Variants in ADARB1 observed in about 807,000 individuals in gnomAD.
The protein encoded by ADARB1 is adenosine deaminase RNA specific B1.
Under a neutral mutation model 52.4 loss-of-function variants are expected in ADARB1, and 10 were observed. The observed-to-expected ratio is 0.19, with a 90% CI of 0.12 to 0.32. The LOEUF (loss-of-function observed/expected upper bound fraction) is 0.32, where lower values mean the gene tolerates loss of function less well. Among genes scored for constraint, ADARB1 ranks in the 10% least tolerant of loss-of-function variants. ADARB1 has a pLI of 1.00. For synonymous variants in ADARB1, 349 were observed against 371.1 expected, an observed-to-expected ratio of 0.94 and a Z score of 0.68; for missense variants, 643 against 922.3, an observed-to-expected ratio of 0.70 and a Z score of 3.92.
chr21:45,159,616 A>G (rs1461299542), intron 2 of ADARB1, among the ~76,000 whole-genome samples: 2 of 152,200 alleles, frequency 1.3e-5, no homozygotes, highest in Middle Eastern at 3.2e-3. Flanking sequence ...TGAGCATACA[A>G]GAGGGGTGGC....
chr21:45,196,165 T>G (rs1392758135), intron 8 of ADARB1, among the ~76,000 whole-genome samples: 1 of 152,238 alleles, frequency 6.6e-6, no homozygotes, highest in Non-Finnish European at 1.5e-5. Context: ...AATGATGTTG[T>G]GTTTTTAATT....
In ADARB1 at chr21:45,224,410, C is replaced by T; in HGVS notation, c.*2213C>T. The T allele has an allele frequency of 2.1e-6, 2 of 931,934 alleles. No homozygotes were observed. The highest frequency in any genetic ancestry group is 2.5e-6 in the Non-Finnish European group (2 of 811,584). 57.7% of individuals were successfully genotyped at this position (931,934 alleles called of 1,614,324 possible). A position where few individuals can be genotyped will look rare whatever the true frequency, so the allele number is the denominator to read the frequency against. On this transcript the variant is annotated 3_prime_UTR_variant, in exon 11 of 11. Coordinates refer to ENST00000348831, the MANE Select transcript of ADARB1 (RefSeq NM_001112.4). ...CCTTTCCGGGGTGGACTCGTGCGGC[C>T]TTGAGGACAGGCACAGGGCACCCTA...
At chr21:45,139,344 A>G (rs993833345) in intron 2 of ADARB1, among the ~76,000 whole-genome samples, 8 of 152,166 alleles carry the variant, frequency 5.3e-5, no homozygotes, top group African/African-American at 1.2e-4. Flanking sequence ...GTCATGCCAC[A>G]GTTTAATTTG....
intron 2 of ADARB1, among the ~76,000 whole-genome samples, chr21:45,143,890 T>C (rs2089871572): frequency 6.6e-6 from 1 of 152,206 alleles, no homozygotes; most frequent in Non-Finnish European, 1.5e-5. Context: ...GCCACTGTTG[T>C]CCCCTGACAC....
At chr21:45,089,031 T>C (rs1259621912) in intron 1 of ADARB1, among the ~76,000 whole-genome samples, 3 of 152,194 alleles carry the variant, frequency 2.0e-5, no homozygotes, top group Non-Finnish European at 4.4e-5. Flanking sequence ...GATGACTAAC[T>C]GTGGCCTGTG....
chr21:45,087,255 C>T (rs916403579), intron 1 of ADARB1, among the ~76,000 whole-genome samples: 2 of 152,204 alleles, frequency 1.3e-5, no homozygotes, highest in African/African-American at 2.4e-5. Context: ...AAAATACATT[C>T]GGAATAACCT....
intron 2 of ADARB1, among the ~76,000 whole-genome samples, chr21:45,153,402 G>T (rs1246361448): frequency 6.6e-6 from 1 of 151,618 alleles, no homozygotes; most frequent in Non-Finnish European, 1.5e-5. Context: ...GTGAAAAGAT[G>T]TGTCTAGCCC....
intron 9 of ADARB1, among the ~76,000 whole-genome samples, chr21:45,205,058 A>G: frequency 6.6e-6 from 1 of 152,186 alleles, no homozygotes; most frequent in East Asian, 1.9e-4. Flanking sequence ...CAGAAGTTCA[A>G]GACCAGCCTG....
At chr21:45,156,902 A>G (rs750998093) in intron 2 of ADARB1, among the ~76,000 whole-genome samples, 1 of 152,182 alleles carries the variant, frequency 6.6e-6, no homozygotes, top group South Asian at 2.1e-4. Context: ...TCACTGCTGC[A>G]CTGTATGTGT....
intron 2 of ADARB1, chr21:45,152,727 ATTC>A (rs766253950): frequency 2.4e-6 from 1 of 417,932 alleles, no homozygotes; most frequent in South Asian, 1.7e-5. Context: ...TTTAGTTTTT[ATTC>A]TTCAGTGTGA....
At chr21:45,189,201 T>C (rs543363682) in intron 8 of ADARB1, among the ~76,000 whole-genome samples, 40 of 151,086 alleles carry the variant, frequency 2.6e-4, no homozygotes, top group African/African-American at 9.7e-4. Context: ...ATTTATTTTA[T>C]TTTTTCCTTT....
At chr21:45,110,989 C>G (rs934995941) in intron 1 of ADARB1, among the ~76,000 whole-genome samples, 1 of 152,130 alleles carries the variant, frequency 6.6e-6, no homozygotes, top group African/African-American at 2.4e-5. Context: ...GGTGCTCCTT[C>G]GTCTCTCAGC....
rs773378026 is a variant in ADARB1 at position 45,204,588 on chromosome 21, C to T, written c.1599C>T (p.Leu533=). The T allele has an allele frequency of 4.3e-6, 7 of 1,614,152 alleles. No homozygotes were observed. The highest frequency in any genetic ancestry group is 5.9e-6 in the Non-Finnish European group (7 of 1,180,022). The part of the protein sequence containing the change: ...WNVVGIQGSL[L]SIFVEPIYFS... ...TGGTGGGCATCCAGGGATCCCTGCT[C>T]AGCATTTTCGTGGAGCCCATTTACT... Residue 533 remains leucine, a synonymous_variant, in exon 9 of 11, where the codon CTC becomes CTT. Transcript: ENST00000348831. This position sits in a 1 kb window ranked among gnomAD's most constrained non-coding sequence, Gnocchi z 4.4.
chr21:45,210,326 A>T (rs1448915984), intron 9 of ADARB1, among the ~76,000 whole-genome samples: 1 of 152,188 alleles, frequency 6.6e-6, no homozygotes, highest in Non-Finnish European at 1.5e-5. Context: ...GGACACGGTG[A>T]TAGGGGATCT....
intron 8 of ADARB1, among the ~76,000 whole-genome samples, chr21:45,203,075 C>T (rs542428349): frequency 2.0e-5 from 3 of 152,238 alleles, no homozygotes; most frequent in Non-Finnish European, 4.4e-5. Flanking sequence ...GTAAAATGCG[C>T]ATGCGCCAGC....
chr21:45,135,790 A>G (rs1177532536), intron 2 of ADARB1, among the ~76,000 whole-genome samples: 4 of 152,224 alleles, frequency 2.6e-5, no homozygotes, highest in Non-Finnish European at 5.9e-5. Flanking sequence ...AGGTGTGGCC[A>G]CAGTCAAGAG....
chr21:45,078,354 G>A (rs911813299), intron 1 of ADARB1, among the ~76,000 whole-genome samples: 2 of 152,226 alleles, frequency 1.3e-5, no homozygotes, highest in African/African-American at 4.8e-5. Flanking sequence ...ACTGTTCTAG[G>A]TATTGGAGAT....
intron 2 of ADARB1, among the ~76,000 whole-genome samples, chr21:45,168,468 A>T (rs1466565591): frequency 6.6e-6 from 1 of 152,172 alleles, no homozygotes; most frequent in Non-Finnish European, 1.5e-5. Context: ...GTAAGCCCAT[A>T]ATCTATTTTG....
chr21:45,126,646 G>A (rs2088602942), intron 1 of ADARB1, among the ~76,000 whole-genome samples: 2 of 152,208 alleles, frequency 1.3e-5, no homozygotes, highest in African/African-American at 4.8e-5. Flanking sequence ...GGTCTAGGGT[G>A]GTGGCCTGGA....
Sources: allele counts gnomAD v4.1 joint callset (sites outside exome capture counted in the v4.1 genomes callset), GRCh38; gene constraint gnomAD v4.1.1; non-coding constraint Gnocchi (gnomAD v3.1); transcripts MANE v1.5; gene names NCBI Gene and HGNC (gene_info 2026-07-23, HGNC 2026-07-21).